PRDM16: variants seen among roughly 807,000 people sequenced by gnomAD.
PRDM16 encodes histone-lysine N-methyltransferase PRDM16.
A neutral mutation model predicts 110.6 loss-of-function variants in PRDM16; 23 were observed. The ratio of observed to expected loss-of-function variants is 0.21; its 90% CI spans 0.15 to 0.29. The LOEUF is 0.29. Among genes scored for constraint, PRDM16 ranks in the 10% least tolerant of loss-of-function variants. The pLI, the probability that PRDM16 is intolerant of heterozygous loss-of-function variation, is 1.00. For missense variants in PRDM16, 1,615 were observed against 1,794.3 expected, an observed-to-expected ratio of 0.90 and a Z score of 1.81; for synonymous variants, 799 against 781.8, an observed-to-expected ratio of 1.02 and a Z score of -0.37.
intron 16 of PRDM16, among the ~76,000 whole-genome samples, chr1:3,432,365 G>A (rs987402724): frequency 8.5e-5 from 13 of 152,224 alleles, no homozygotes; most frequent in African/African-American, 1.9e-4. Flanking sequence ...GGACCCTCAC[G>A]AGGGAGCTCA....
At chr1:3,117,530 G>T (rs549229979) in intron 1 of PRDM16, among the ~76,000 whole-genome samples, 1 of 152,092 alleles carries the variant, frequency 6.6e-6, no homozygotes, top group South Asian at 2.1e-4. Flanking sequence ...TGGCTACCAC[G>T]CAGGCCTCGC....
chr1:3,291,613 G>T (rs1640975024), intron 3 of PRDM16, among the ~76,000 whole-genome samples: 1 of 152,224 alleles, frequency 6.6e-6, no homozygotes, highest in Admixed American at 6.5e-5. Flanking sequence ...CAGGCCATGG[G>T]CTCCCTATTA....
In PRDM16 at chr1:3,382,923, C is replaced by G. The variant is rs59822811; in HGVS notation, c.439-2229C>G. 8.9e-3 allele frequency among the ~76,000 whole-genome samples: 1,352 copies of G among 152,306 alleles called. 20 individuals carry two copies. The highest frequency in any genetic ancestry group is 0.031 in the African/African-American group (1,286 of 41,544). On this transcript the variant is annotated intron_variant, in intron 3 of 16. Coordinates refer to ENST00000270722, the MANE Select transcript of PRDM16 (RefSeq NM_022114.4). This position sits in a 1 kb window ranked among gnomAD's most constrained non-coding sequence, Gnocchi z 6.6. ...TGGGATACTGCCAGCCCCATGTGGC[C>G]AGCTGTGCTCCTGCTACTCCATCGT...
intron 3 of PRDM16, among the ~76,000 whole-genome samples, chr1:3,323,575 C>T (rs935217538): frequency 6.6e-5 from 10 of 152,216 alleles, no homozygotes; most frequent in East Asian, 1.9e-4. Flanking sequence ...CGCCAGCTGC[C>T]GCCAGTGCCT....
At chr1:3,184,999 G>A (rs1307897694) in intron 1 of PRDM16, among the ~76,000 whole-genome samples, 1 of 152,158 alleles carries the variant, frequency 6.6e-6, no homozygotes, top group Non-Finnish European at 1.5e-5. Context: ...GGGAGGTACC[G>A]TCCACTACTC....
intron 3 of PRDM16, among the ~76,000 whole-genome samples, chr1:3,340,118 G>T (rs553780037): frequency 5.3e-5 from 8 of 152,320 alleles, no homozygotes; most frequent in African/African-American, 1.9e-4. Flanking sequence ...CATGGGTAAA[G>T]TGTGACCCTA....
At chr1:3,139,003 C>T (rs1643492687) in intron 1 of PRDM16, among the ~76,000 whole-genome samples, 1 of 152,152 alleles carries the variant, frequency 6.6e-6, no homozygotes, top group Admixed American at 6.5e-5. Flanking sequence ...CAACTTTGAC[C>T]TTTGGGATAA....
intron 1 of PRDM16, among the ~76,000 whole-genome samples, chr1:3,119,569 T>G (rs1035438094): frequency 6.6e-6 from 1 of 151,916 alleles, no homozygotes; most frequent in Non-Finnish European, 1.5e-5. Context: ...CAGGGGGTGA[T>G]GTTGTGTGTT....
chr1:3,153,078 G>C (rs1218312652), intron 1 of PRDM16, among the ~76,000 whole-genome samples: 1 of 152,266 alleles, frequency 6.6e-6, no homozygotes, highest in Non-Finnish European at 1.5e-5. Context: ...TCCAGCTCCA[G>C]CGGTGCTCAG....
intron 3 of PRDM16, among the ~76,000 whole-genome samples, chr1:3,286,200 T>A (rs1401614581): frequency 6.6e-6 from 1 of 152,158 alleles, no homozygotes; most frequent in Non-Finnish European, 1.5e-5. Context: ...CTCACAGTGG[T>A]CCCAGTAATT....
chr1:3,309,294 G>T (rs1484737206), intron 3 of PRDM16: 2 of 152,284 alleles, frequency 1.3e-5, no homozygotes, highest in Non-Finnish European at 2.9e-5. Flanking sequence ...CACTAATGGT[G>T]GAGGGGTCAT....
intron 1 of PRDM16, among the ~76,000 whole-genome samples, chr1:3,124,283 G>A (rs1269026771): frequency 6.6e-6 from 1 of 152,204 alleles, no homozygotes; most frequent in East Asian, 1.9e-4. Flanking sequence ...AAAATGAAAA[G>A]GGAAAGGCCA....
intron 12 of PRDM16, among the ~76,000 whole-genome samples, chr1:3,424,180 G>T (rs1638520653): frequency 6.6e-6 from 1 of 152,208 alleles, no homozygotes; most frequent in Non-Finnish European, 1.5e-5. Flanking sequence ...AGCTCATGGG[G>T]TTCCTCCTTA....
intron 5 of PRDM16, among the ~76,000 whole-genome samples, chr1:3,401,092 G>C (rs1643460621): frequency 6.6e-6 from 1 of 152,158 alleles, no homozygotes; most frequent in African/African-American, 2.4e-5. Flanking sequence ...GACCCGCCAG[G>C]GGTGCTGGGG....
rs1319269308 is a variant in PRDM16 at position 3,080,249 on chromosome 1, A to C, written c.37+10953A>C. On this transcript the variant is annotated intron_variant, in intron 1 of 16. Coordinates refer to ENST00000270722, the MANE Select transcript of PRDM16 (RefSeq NM_022114.4). This position sits in a 1 kb window ranked among gnomAD's most constrained non-coding sequence, Gnocchi z 5.2. ...TAATGATGTGTCTGTGTGTGAAAAT[A>C]TTAAATTGCAATAACACGCCGTGCG... Among the ~76,000 whole-genome samples, 7 of 152,332 alleles carry C rather than the reference A, an allele frequency of 4.6e-5. No individual in the cohort carries two copies. Among genetic ancestry groups the C allele is most frequent in the African/African-American group, 1.4e-4 (6 of 41,570 alleles).
intron 2 of PRDM16, among the ~76,000 whole-genome samples, chr1:3,241,316 C>T (rs186252515): frequency 6.6e-6 from 1 of 152,262 alleles, no homozygotes; most frequent in Non-Finnish European, 1.5e-5. Context: ...CTGTGCGGCT[C>T]TTCCGTGGTT....
chr1:3,321,797 C>G (rs925750176), intron 3 of PRDM16, among the ~76,000 whole-genome samples: 1 of 133,012 alleles, frequency 7.5e-6, no homozygotes, highest in Non-Finnish European at 1.6e-5. Flanking sequence ...TGCAAGTGTG[C>G]GTGCGTGTGT....
intron 1 of PRDM16, among the ~76,000 whole-genome samples, chr1:3,075,168 C>G (rs918033586): frequency 6.6e-6 from 1 of 152,234 alleles, no homozygotes; most frequent in Non-Finnish European, 1.5e-5. Context: ...GAGTGCTGGC[C>G]GCTCCAAGAT....
chr1:3,142,938 C>T (rs1339039763), intron 1 of PRDM16, among the ~76,000 whole-genome samples: 1 of 152,178 alleles, frequency 6.6e-6, no homozygotes, highest in Non-Finnish European at 1.5e-5. Flanking sequence ...GCCCCCTGGC[C>T]GGGGCACCCA....
Sources: gnomAD v4.1 joint callset for allele counts (sites outside exome capture counted in the v4.1 genomes callset) on GRCh38, gnomAD v4.1.1 for gene constraint, Gnocchi (gnomAD v3.1) non-coding constraint, MANE v1.5 for transcripts, NCBI Gene and HGNC (gene_info 2026-07-23, HGNC 2026-07-21) for gene names.